The following EPM2A variants were observed in gnomAD, a reference collection of about 807,000 sequenced individuals.
EPM2A encodes the protein laforin.
Under a neutral mutation model 26.5 loss-of-function variants are expected in EPM2A, and 21 were observed. That is an observed-to-expected ratio of 0.79 (90% CI 0.56 to 1.14). EPM2A has a LOEUF of 1.14. EPM2A is among the 50% of genes most tolerant of loss of function. The probability of loss-of-function intolerance (pLI) is 0.00; values close to 1 mark genes in which losing one functional copy is unlikely to be tolerated. For synonymous variants in EPM2A, 217 were observed against 177.6 expected, an observed-to-expected ratio of 1.22 and a Z score of -1.76; for missense variants, 458 against 440.8, an observed-to-expected ratio of 1.04 and a Z score of -0.35.
chr6:145,566,343 T>G (rs995726887), intron 2 of EPM2A, among the ~76,000 whole-genome samples: 2 of 152,252 alleles, frequency 1.3e-5, no homozygotes, highest in Non-Finnish European at 2.9e-5. Flanking sequence ...TGGTTTATAC[T>G]GGAAATATTA....
intron 2 of EPM2A, among the ~76,000 whole-genome samples, chr6:145,524,212 T>C (rs368931297): frequency 3.3e-5 from 5 of 152,150 alleles, no homozygotes; most frequent in Admixed American, 1.3e-4. Context: ...TAGGTTAATA[T>C]CTTTGCTATA....
chr6:145,591,603 A>C (rs1781273985), intron 2 of EPM2A, among the ~76,000 whole-genome samples: 1 of 152,204 alleles, frequency 6.6e-6, no homozygotes, highest in Non-Finnish European at 1.5e-5. Context: ...CAACAAAATT[A>C]TCTTTAAAAA....
At chr6:145,438,231 A>T (rs559262177) in intron 4 of EPM2A, among the ~76,000 whole-genome samples, 2 of 152,300 alleles carry the variant, frequency 1.3e-5, no homozygotes, top group South Asian at 4.1e-4. Flanking sequence ...TATGGACAAG[A>T]GAACGGAAAT....
intron 2 of EPM2A, among the ~76,000 whole-genome samples, chr6:145,665,965 C>T (rs1329876793): frequency 4.0e-5 from 6 of 148,832 alleles, no homozygotes; most frequent in African/African-American, 1.5e-4. Context: ...AATTCAACAA[C>T]CCTTCATGCT....
At chr6:145,543,148 G>T (rs555124892) in intron 2 of EPM2A, among the ~76,000 whole-genome samples, 1 of 152,206 alleles carries the variant, frequency 6.6e-6, no homozygotes, top group African/African-American at 2.4e-5. Flanking sequence ...AGATTTATGA[G>T]ATTAAAAAGA....
rs553459710 is a variant in EPM2A at position 145,462,904 on chromosome 6, T to C, written c.555+39618A>G. On this transcript the variant is annotated intron_variant, in intron 4 of 4. Coordinates refer to the EPM2A transcript ENST00000638717. Reference sequence around the variant, plus strand: ...CGTAGTATGGCAAATTGAGTTACACTATAGTTGATTTAATACCAAGATTTC... The same window carrying C: ...CGTAGTATGGCAAATTGAGTTACACCATAGTTGATTTAATACCAAGATTTC... Among the ~76,000 whole-genome samples, 12 of 152,314 alleles carry C rather than the reference T, an allele frequency of 7.9e-5. No homozygotes were observed. The East Asian group carries it at 2.3e-3, about 29-fold the overall frequency.
intron 1 of EPM2A, among the ~76,000 whole-genome samples, chr6:145,716,889 T>C (rs922280299): frequency 3.9e-5 from 6 of 152,214 alleles, no homozygotes; most frequent in African/African-American, 1.4e-4. Flanking sequence ...GCTTTGTTGT[T>C]GTATTTATTC....
rs553647665 is a variant in EPM2A at position 145,696,771 on chromosome 6, G to C, written c.302-10475C>G. Among the ~76,000 whole-genome samples, 777 of 131,708 alleles carry C rather than the reference G, an allele frequency of 5.9e-3. 4 individuals are homozygous for C. The highest frequency in any genetic ancestry group is 0.022 in the African/African-American group (743 of 34,312). 86.4% of individuals were successfully genotyped at this position (131,708 alleles called of 152,430 possible). On this transcript the variant is annotated intron_variant, in intron 1 of 3. Transcript: ENST00000367519. ...TGAATCAAACATCTGGCACAGGTAG[G>C]GGTATGTGTGTGTGTGTGTGTGTGT... is the stretch of plus-strand genomic sequence containing the variant.
chr6:145,546,112 T>A (rs1251581873), intron 2 of EPM2A, among the ~76,000 whole-genome samples: 1 of 152,142 alleles, frequency 6.6e-6, no homozygotes, highest in African/African-American at 2.4e-5. Context: ...TCACTATCTG[T>A]CATCTGCAAG....
chr6:145,686,006 G>A, intron 2 of EPM2A, 116 bp downstream of exon 2: 1 of 859,538 alleles, frequency 1.2e-6, no homozygotes, highest in Non-Finnish European at 1.9e-6. Context: ...AGTACTACAG[G>A]CCTATAGACC....
In EPM2A at chr6:145,626,747, AT is replaced by A. The variant is rs546842567; in HGVS notation, c.*668del. 642 of 986,074 alleles carry A rather than the reference AT, an allele frequency of 6.5e-4. 1 individual carries two copies. The African/African-American group carries it at 9.7e-3, about 15-fold the overall frequency. 61.1% of individuals were successfully genotyped at this position (986,074 alleles called of 1,614,324 possible). On this transcript the variant is annotated 3_prime_UTR_variant, in exon 4 of 4. Transcript: ENST00000367519. ...CATCTCAACTATAAAAAACAAGGGT[AT>A]TTTTTGCTTTGTTTGGTAATTTTGA...
intron 2 of EPM2A, among the ~76,000 whole-genome samples, chr6:145,590,198 A>T (rs1267823252): frequency 6.6e-6 from 1 of 152,142 alleles, no homozygotes; most frequent in Non-Finnish European, 1.5e-5. Flanking sequence ...GAAAATCTTC[A>T]CACTTTTGTG....
intron 2 of EPM2A, chr6:145,670,921 A>C (rs766486713): frequency 1.0e-6 from 1 of 985,350 alleles, no homozygotes; most frequent in Non-Finnish European, 1.2e-6. Context: ...AGTCAGAAGA[A>C]TTCAACAAAA....
At chr6:145,427,690 A>T (rs965735367) in intron 4 of EPM2A, among the ~76,000 whole-genome samples, 4 of 152,184 alleles carry the variant, frequency 2.6e-5, no homozygotes, top group Non-Finnish European at 4.4e-5. Flanking sequence ...ACAAGAAAAA[A>T]ATGATGATGG....
At chr6:145,715,948 T>C (rs1775592815) in intron 1 of EPM2A, among the ~76,000 whole-genome samples, 3 of 152,316 alleles carry the variant, frequency 2.0e-5, no homozygotes, top group South Asian at 2.1e-4. Flanking sequence ...TGTAATGTGC[T>C]TGAATCATCC....
intron 4 of EPM2A, among the ~76,000 whole-genome samples, chr6:145,406,933 T>G (rs555575084): frequency 6.6e-6 from 1 of 152,118 alleles, no homozygotes; most frequent in African/African-American, 2.4e-5. Flanking sequence ...TGAGAACCAC[T>G]TATCTAGAAG....
At chr6:145,596,313 C>T (rs752660835) in intron 2 of EPM2A, among the ~76,000 whole-genome samples, 3 of 152,160 alleles carry the variant, frequency 2.0e-5, no homozygotes, top group Non-Finnish European at 2.9e-5. Flanking sequence ...TTCCCAGAAG[C>T]AACCACCTTC....
chr6:145,467,303 C>A (rs1439462112), intron 4 of EPM2A, among the ~76,000 whole-genome samples: 1 of 152,118 alleles, frequency 6.6e-6, no homozygotes, highest in East Asian at 1.9e-4. Flanking sequence ...TCCAAACTGT[C>A]AAAAAGTTGT....
chr6:145,451,233 A>G (rs1779191811), intron 4 of EPM2A, among the ~76,000 whole-genome samples: 2 of 152,250 alleles, frequency 1.3e-5, no homozygotes, highest in Non-Finnish European at 2.9e-5. Context: ...TGAACATTGC[A>G]TAATGAAATG....
Sources: allele counts gnomAD v4.1 joint callset (sites outside exome capture counted in the v4.1 genomes callset), GRCh38; gene constraint gnomAD v4.1.1; transcripts MANE v1.5; gene names NCBI Gene and HGNC (gene_info 2026-07-23, HGNC 2026-07-21).